Variants in ATXN3 observed in about 807,000 individuals in gnomAD.
The protein encoded by ATXN3 is ataxin-3.
ATXN3 carries 28 observed loss-of-function variants against 58.2 expected under a neutral mutation model. That is an observed-to-expected ratio of 0.48 (90% CI 0.36 to 0.66). ATXN3 has a LOEUF of 0.66. Ranked by LOEUF, ATXN3 falls within the 30% of genes least tolerant of loss-of-function variation. The pLI is 0.00. For synonymous variants in ATXN3, 113 were observed against 138.5 expected (o/e 0.82, Z 1.29); for missense variants, 321 against 422.1 (o/e 0.76, Z 2.10).
chr14:92,083,450 CT>C (rs2061828091), intron 6 of ATXN3, 192 bp from the exon 7 acceptor site: 1 of 688,560 alleles, frequency 1.5e-6, no homozygotes, highest in South Asian at 1.5e-5. Flanking sequence ...TACTTAAAGT[CT>C]CTGAGCCTCA....
chr14:92,070,776 C>A, intron 10 of ATXN3, 159 bp downstream of exon 10: 7 of 1,389,512 alleles, frequency 5.0e-6, no homozygotes, highest in Non-Finnish European at 5.7e-6. Context: ...GGTAACTGCT[C>A]CTTAATCCAG....
downstream of ATXN3, among the ~76,000 whole-genome samples, chr14:92,057,034 CCAT>C (rs1388618094): frequency 3.3e-5 from 5 of 152,180 alleles, no homozygotes; most frequent in Non-Finnish European, 7.3e-5. Context: ...CCCATTGGCA[CCAT>C]GACAGTTGAC....
At chr14:92,091,998 T>C (rs2063943660) in intron 5 of ATXN3, among the ~76,000 whole-genome samples, 1 of 152,146 alleles carries the variant, frequency 6.6e-6, no homozygotes, top group Non-Finnish European at 1.5e-5. Flanking sequence ...ATCTGGCCTC[T>C]GAAATGTTTT....
Position 92,075,171 on chromosome 14 carries a change from T to C in ATXN3, c.873-4118A>G, listed in dbSNP as rs993845714. Among the ~76,000 whole-genome samples, 144 of 147,272 alleles carry C rather than the reference T, an allele frequency of 9.8e-4. 1 individual carries two copies. Among genetic ancestry groups the C allele is most frequent in the African/African-American group, 3.5e-3 (138 of 39,800 alleles). ...GTAATAGGGAGTTTTTTTTTTTTTTTTTTTTTTTTTGAGATGGAGTCTTGC... is the reference window on the plus strand; with the variant it reads ...GTAATAGGGAGTTTTTTTTTTTTTTCTTTTTTTTTTGAGATGGAGTCTTGC... On this transcript the variant is annotated intron_variant, in intron 9 of 10. Transcript: ENST00000644486.
Position 92,067,465 on chromosome 14 carries a change from T to G in ATXN3, c.992-3051A>C, listed in dbSNP as rs942917296. Among the ~76,000 whole-genome samples, 4 of 152,314 alleles carry G rather than the reference T, an allele frequency of 2.6e-5. No homozygotes were observed. In the East Asian group the frequency reaches 7.8e-4, roughly 30 times the overall value. ...AGGCTGCAGTACACTAGTGCGATCT[T>G]GGATCACTGCAACCTCCGTCTCCCA... On this transcript the variant is annotated intron_variant, in intron 10 of 10. Transcript: ENST00000644486.
Position 92,068,718 on chromosome 14 carries a change from G to A in ATXN3, c.991+2217C>T, listed in dbSNP as rs111393662. On this transcript the variant is annotated intron_variant, in intron 10 of 10. Transcript: ENST00000644486. Reference sequence around the variant, plus strand: ...CAATTCTCCTGCCTCAGCCTCCCAAGAAGCTGGGATTACAGGCATGCGCCA... The same window carrying A: ...CAATTCTCCTGCCTCAGCCTCCCAAAAAGCTGGGATTACAGGCATGCGCCA... 4.1e-3 allele frequency among the ~76,000 whole-genome samples: 616 copies of A among 152,090 alleles called. 3 individuals carry two copies. The highest frequency in any genetic ancestry group is 0.014 in the African/African-American group (579 of 41,522).
At position 92,096,688 on chromosome 14, in the gene ATXN3, G is replaced by A. The variant is rs147833264; in HGVS notation, c.175C>T (p.Arg59Cys). 3.7e-5 allele frequency: 59 copies of A among 1,611,264 alleles called. No homozygotes were observed. The highest frequency in any genetic ancestry group is 4.6e-5 in the Non-Finnish European group (54 of 1,179,178). Reference sequence around the variant, plus strand: ...AAAATCAGTACCTGTAAAAACGTGCGATAATCTTCACTAGTAACTCCTCCT... The same window carrying A: ...AAAATCAGTACCTGTAAAAACGTGCAATAATCTTCACTAGTAACTCCTCCT... ...AEGGVTSEDY[R>C]TFLQQPSGNM... Residue 59 changes from arginine (R) to cysteine (C), a missense_variant, in exon 2 of 11, where the codon CGC becomes TGC. Coordinates refer to ENST00000644486, the MANE Select transcript of ATXN3 (RefSeq NM_004993.6).
chr14:92,050,613 T>A (rs2057444685), upstream of ATXN3: 1 of 152,290 alleles, frequency 6.6e-6, no homozygotes, highest in South Asian at 2.1e-4. Flanking sequence ...ACTCAAGCAG[T>A]GGGATCATCA....
chr14:92,106,503 G>C, intron 1 of ATXN3, 26 bp downstream of exon 1: 2 of 1,613,126 alleles, frequency 1.2e-6, no homozygotes, highest in Non-Finnish European at 1.7e-6. Flanking sequence ...GCGGCAGACA[G>C]CTCCCCACCG....
chr14:92,076,831 T>C (rs1033274725), intron 9 of ATXN3, among the ~76,000 whole-genome samples: 5 of 150,526 alleles, frequency 3.3e-5, no homozygotes, highest in South Asian at 2.1e-4. Context: ...CCGCAGCTAC[T>C]TGGGAGGCTG....
rs2059333074 is a variant in ATXN3 at position 92,070,962 on chromosome 14, T to G, written c.964A>C (p.Ser322Arg). 1 of 1,404,414 alleles carries G rather than the reference T, an allele frequency of 7.1e-7. No homozygotes were observed. The highest frequency in any genetic ancestry group is 9.3e-7 in the Non-Finnish European group (1 of 1,076,390). 87.0% of individuals were successfully genotyped at this position (1,404,414 alleles called of 1,614,324 possible). A position where few individuals can be genotyped will look rare whatever the true frequency, so the allele number is the denominator to read the frequency against. ...SSHPCERPAT[S>R]SGALGSDLGD... ...AGATCACTCCCAAGTGCTCCTGAAC[T>G]GGTGGCTGGCCTTTCACATGGATGT... The change falls in exon 10 of 11, where the codon AGT becomes CGT. Residue 322 changes from serine (S) to arginine (R), a missense_variant. Coordinates refer to ENST00000644486, the MANE Select transcript of ATXN3 (RefSeq NM_004993.6).
chr14:92,097,638 G>A (rs572136631), intron 1 of ATXN3, among the ~76,000 whole-genome samples: 178 of 151,256 alleles, frequency 1.2e-3, no homozygotes, highest in African/African-American at 4.2e-3. Flanking sequence ...CCATTCTCCT[G>A]CCTCAGCCTA....
At chr14:92,075,156 GTT>G (rs376552690) in intron 9 of ATXN3, among the ~76,000 whole-genome samples, 1,796 of 110,864 alleles carry the variant, frequency 0.016, 7 homozygotes, top group East Asian at 0.037. Flanking sequence ...GTAATAGGGA[GTT>G]TTTTTTTTTT....
chr14:92,056,503 T>C (rs1213883265), downstream of ATXN3, among the ~76,000 whole-genome samples: 7 of 152,138 alleles, frequency 4.6e-5, no homozygotes, highest in African/African-American at 1.7e-4. Flanking sequence ...TGAAATACAC[T>C]AGTCACAAAA....
At chr14:92,066,752 C>T (rs148266518) in intron 10 of ATXN3, among the ~76,000 whole-genome samples, 2,066 of 150,014 alleles carry the variant, frequency 0.014, 49 homozygotes, top group African/African-American at 0.047. Context: ...GGACTATAGG[C>T]GCCCACCACC....
chr14:92,053,473 C>T (rs1420805829), upstream of ATXN3, among the ~76,000 whole-genome samples: 3 of 145,116 alleles, frequency 2.1e-5, no homozygotes, highest in Admixed American at 2.1e-4. Context: ...TTCTGCTCTC[C>T]TTTTTTTTTT....
chr14:92,091,462 AG>A (rs1389243881), intron 5 of ATXN3, among the ~76,000 whole-genome samples: 3 of 150,358 alleles, frequency 2.0e-5, no homozygotes, highest in African/African-American at 7.5e-5. Flanking sequence ...AAAGAAGGAA[AG>A]AAAGAAAGAA....
At chr14:92,082,669 G>C (rs1363549358) in intron 7 of ATXN3, among the ~76,000 whole-genome samples, 1 of 130,440 alleles carries the variant, frequency 7.7e-6, no homozygotes, top group African/African-American at 3.0e-5. Flanking sequence ...TTTTTTTTGA[G>C]ACAGGGTCTG....
intron 6 of ATXN3, 29 bp from the exon 7 acceptor site, chr14:92,083,287 A>C: frequency 6.3e-7 from 1 of 1,584,090 alleles, no homozygotes; most frequent in African/African-American, 1.4e-5. Context: ...AATCAACCTA[A>C]CCAGTTAGTA....
Sources: allele counts gnomAD v4.1 joint callset (sites outside exome capture counted in the v4.1 genomes callset), GRCh38; gene constraint gnomAD v4.1.1; transcripts MANE v1.5; gene names NCBI Gene and HGNC (gene_info 2026-07-23, HGNC 2026-07-21).